SAFB2: variants seen among roughly 807,000 people sequenced by gnomAD.
SAFB2 encodes scaffold attachment factor B2.
Under a neutral mutation model 100.6 loss-of-function variants are expected in SAFB2, and 32 were observed. That is an observed-to-expected ratio of 0.32 (90% CI 0.24 to 0.43). SAFB2 has a LOEUF of 0.43. Among genes scored for constraint, SAFB2 ranks in the 20% least tolerant of loss-of-function variants. The pLI is 1.00. For missense variants in SAFB2, 1,185 were observed against 1,163.4 expected, an observed-to-expected ratio of 1.02 and a Z score of -0.27; for synonymous variants, 500 against 439.4, an observed-to-expected ratio of 1.14 and a Z score of -1.72.
Position 5,587,730 on chromosome 19 carries a change from C to A in SAFB2, c.2676G>T (p.Gly892=). ...CCACTCCACCGCGGCTTGCCATGTGCCCCGGCCCCGAGGGCCCAGACAGGC... is the reference window on the plus strand; with the variant it reads ...CCACTCCACCGCGGCTTGCCATGTGACCCGGCCCCGAGGGCCCAGACAGGC... The part of the protein sequence containing the change: ...ERGLSGPSGP[G]HMASRGGVAG... Residue 892 remains glycine (G), a synonymous_variant, in exon 20 of 21, where the codon GGG becomes GGT. Transcript: ENST00000252542. The surrounding 1 kb of genome is among the most constrained non-coding windows in gnomAD (Gnocchi z 4.9). 1 of 1,552,366 alleles carries A rather than the reference C, an allele frequency of 6.4e-7. No homozygotes were observed. The highest frequency in any genetic ancestry group is 8.7e-7 in the Non-Finnish European group (1 of 1,147,486).
Position 5,610,645 on chromosome 19 carries a change from C to T in SAFB2, c.1189G>A (p.Glu397Lys). Residue 397 changes from glutamate to lysine, a missense_variant, in exon 8 of 21, where the codon GAA becomes AAA. Physicochemically the swap from Glu to Lys is moderately conservative, Grantham distance 56. This residue lies in a region of SAFB2 where 351 missense variants were observed against 341.2 expected (regional missense o/e 1.03). Transcript: ENST00000252542. ...ACGTTAAATTAAATCATACCTTTTTCATCTTTAATGATTGGCTTTATATCT... is the reference window on the plus strand; with the variant it reads ...ACGTTAAATTAAATCATACCTTTTTTATCTTTAATGATTGGCTTTATATCT... ...EKDIKPIIKD[E>K]KGRVGSGSGR... 1 of 1,570,748 alleles carries T rather than the reference C, an allele frequency of 6.4e-7. No individual in the cohort carries two copies. Among genetic ancestry groups the T allele is most frequent in the East Asian group, 2.2e-5 (1 of 44,498 alleles).
At chr19:5,609,021 CA>C (rs1167656946) in intron 9 of SAFB2, among the ~76,000 whole-genome samples, 6 of 123,286 alleles carry the variant, frequency 4.9e-5, no homozygotes, top group Non-Finnish European at 9.5e-5. Flanking sequence ...CACTGCACTT[CA>C]GCCTGGGCAA....
In SAFB2 at chr19:5,613,471, T is replaced by TA; in HGVS notation, c.599dup (p.Thr201AsnfsTer5). 1 of 1,613,330 alleles carries TA rather than the reference T, an allele frequency of 6.2e-7. No homozygotes were observed. Among genetic ancestry groups the TA allele is most frequent in the Non-Finnish European group, 8.5e-7 (1 of 1,179,528 alleles). On this transcript the variant is annotated frameshift_variant, in exon 5 of 21. Transcript: ENST00000252542. LOFTEE classifies it high-confidence loss of function. ...GAACCAGATGGTAACTTACCGGAGT[T>TA]ACTTTGAAGTTCAACGATGAAGTTT...
Position 5,594,044 on chromosome 19 carries a change from T to C in SAFB2, c.2054A>G (p.Glu685Gly). ...QRLERERMER[E>G]RLERERMRVE... is the part of the protein sequence containing the mutation. ...GCGCATGCGCTCGCGCTCCAGCCGC[T>C]CCCGCTCCATGCGCTCCCGCTCCAG... Residue 685 changes from glutamate (E) to glycine (G), a missense_variant, in exon 15 of 21, where the codon GAG (glutamate) becomes GGG (glycine). Glu to Gly is a moderately conservative substitution (Grantham distance 98). Coordinates refer to ENST00000252542, the MANE Select transcript of SAFB2 (RefSeq NM_014649.3). 2 of 1,582,222 alleles carry C rather than the reference T, an allele frequency of 1.3e-6. No homozygotes were observed. The highest frequency in any genetic ancestry group is 1.7e-6 in the Non-Finnish European group (2 of 1,170,300).
At position 5,593,970 on chromosome 19, in the gene SAFB2, C is replaced by T; in HGVS notation, c.2128G>A (p.Glu710Lys). 3.9e-6 allele frequency: 6 copies of T among 1,551,338 alleles called. No individual in the cohort carries two copies. The highest frequency in any genetic ancestry group is 2.4e-5 in the East Asian group (1 of 41,768). The change falls in exon 15 of 21, where the codon GAG becomes AAG. Residue 710 changes from glutamate (E) to lysine (K), a missense_variant. Physicochemically the swap from Glu to Lys is moderately conservative, Grantham distance 56 (BLOSUM62 1). Coordinates refer to ENST00000252542, the MANE Select transcript of SAFB2 (RefSeq NM_014649.3). ...TGCTCCTGCTGGCGCCGCAGCTCCT[C>T]GCGCTCGCGGTGGATGCGCTCCTGC... ...KEQERIHRER[E>K]ELRRQQEQLR...
At position 5,587,778 on chromosome 19, in the gene SAFB2, A is replaced by G; in HGVS notation, c.2639-11T>C. 2 of 1,553,450 alleles carry G rather than the reference A, an allele frequency of 1.3e-6. No homozygotes were observed. Among genetic ancestry groups the G allele is most frequent in the Non-Finnish European group, 1.7e-6 (2 of 1,148,232 alleles). On this transcript the variant is annotated splice_polypyrimidine_tract_variant and intron_variant, in intron 19 of 20. Coordinates refer to ENST00000252542, the MANE Select transcript of SAFB2 (RefSeq NM_014649.3). The surrounding 1 kb of genome is among the most constrained non-coding windows in gnomAD (Gnocchi z 4.9). ...GGCCCCTCTCGCCACCTAGAAGAGA[A>G]GAAGGGTCTGCAAACACTCCGTTCC...
chr19:5,616,066 G>A, intron 4 of SAFB2, 66 bp downstream of exon 4: 4 of 1,463,092 alleles, frequency 2.7e-6, no homozygotes, highest in Non-Finnish European at 3.8e-6. Flanking sequence ...CCTCACACGA[G>A]CAGCACGCGA....
At chr19:5,594,289 A>C in intron 14 of SAFB2, 111 bp from the exon 15 acceptor site, 96 of 1,280,326 alleles carry the variant, frequency 7.5e-5, no homozygotes, top group Non-Finnish European at 9.2e-5. Flanking sequence ...ATGGATCCAA[A>C]AGCTCACCGG....
intron 12 of SAFB2, among the ~76,000 whole-genome samples, chr19:5,599,106 A>T (rs1305134600): frequency 6.6e-6 from 1 of 152,062 alleles, no homozygotes; most frequent in Non-Finnish European, 1.5e-5. Context: ...AACTAGAGGG[A>T]CCTGTTCCCA....
Position 5,604,618 on chromosome 19 carries a change from G to A in SAFB2, c.1524C>T (p.Val508=), listed in dbSNP as rs772474750. ...TGATCTCCACAGAATGATGTCTGTCGACACTCGATAATTTTTCCTTCTTCA... is the reference window on the plus strand; with the variant it reads ...TGATCTCCACAGAATGATGTCTGTCAACACTCGATAATTTTTCCTTCTTCA... ...CEVKKEKLSS[V]DRHHSVEIKI... is the part of the protein sequence containing the mutation. The change falls in exon 11 of 21, where the codon GTC becomes GTT. Residue 508 remains valine, a synonymous_variant. Coordinates refer to ENST00000252542, the MANE Select transcript of SAFB2 (RefSeq NM_014649.3). The A allele has an allele frequency of 3.1e-5, 50 of 1,613,880 alleles. No homozygotes were observed. The highest frequency in any genetic ancestry group is 4.2e-5 in the Non-Finnish European group (50 of 1,179,934).
rs2052363238 is a variant in SAFB2 at position 5,590,252 on chromosome 19, CA to C, written c.2525+25del. ...TTCCCAGGTTAGGACAGATGCTCCC[CA>C]CCCGGCTGGGGCTCACCCACTAACC... On this transcript the variant is annotated intron_variant, in intron 18 of 20. Transcript: ENST00000252542. 4 of 1,538,412 alleles carry C rather than the reference CA, an allele frequency of 2.6e-6. No homozygotes were observed. The East Asian group carries it at 9.7e-5, about 37-fold the overall frequency.
At chr19:5,612,098 T>C (rs2052920957) in intron 6 of SAFB2, 1 of 318,760 alleles carries the variant, frequency 3.1e-6, no homozygotes, top group African/African-American at 2.2e-5. Context: ...AATAATATGT[T>C]GAAAATTTTC....
Position 5,621,404 on chromosome 19 carries a change from GGA to G in SAFB2, c.187-10_187-9del. On this transcript the variant is annotated splice_polypyrimidine_tract_variant and intron_variant, in intron 1 of 20. Transcript: ENST00000252542. Reference sequence around the variant, plus strand: ...CCCCTCTTCTTTAACCGCCTATTAGGGAGAGATGAGTTTTACAACATCATTAA... The same window carrying G: ...CCCCTCTTCTTTAACCGCCTATTAGGGAGATGAGTTTTACAACATCATTAA... 6.3e-7 allele frequency: 1 copy of G among 1,578,928 alleles called. No homozygotes were observed. Among genetic ancestry groups the G allele is most frequent in the Non-Finnish European group, 8.7e-7 (1 of 1,148,150 alleles).
Position 5,595,425 on chromosome 19 carries a change from CTTTGATT to C in SAFB2, c.1848_1854del (p.Ile617AsnfsTer172). On this transcript the variant is annotated frameshift_variant, in exon 14 of 21. Coordinates refer to ENST00000252542, the MANE Select transcript of SAFB2 (RefSeq NM_014649.3). LOFTEE classifies it high-confidence loss of function. ...CTCTGGCGCTCTCTCTCCCTTTGTT[CTTTGATT>C]TTATCAAACGACAAGATGTCTCTCT... 6.2e-7 allele frequency: 1 copy of C among 1,613,758 alleles called. No homozygotes were observed. Among genetic ancestry groups the C allele is most frequent in the Non-Finnish European group, 8.5e-7 (1 of 1,179,958 alleles).
rs202153229 is a variant in SAFB2, at chr19:5,604,773, G to A, written c.1446+14C>T. ...ACTCCATTTGCGAGTTACCATAGAC[G>A]AGAACTGCCTCACCTTCTCTACGGA... On this transcript the variant is annotated intron_variant, in intron 10 of 20. Coordinates refer to ENST00000252542, the MANE Select transcript of SAFB2 (RefSeq NM_014649.3). 23 of 1,613,916 alleles carry A rather than the reference G, an allele frequency of 1.4e-5. No individual in the cohort carries two copies. Among genetic ancestry groups the A allele is most frequent in the Middle Eastern group, 1.6e-4 (1 of 6,062 alleles).
intron 11 of SAFB2, among the ~76,000 whole-genome samples, chr19:5,604,358 C>T (rs1226083865): frequency 6.6e-6 from 1 of 152,204 alleles, no homozygotes; most frequent in Non-Finnish European, 1.5e-5. Context: ...TGCCACTGCA[C>T]TCCAGCCTAG....
intron 2 of SAFB2, among the ~76,000 whole-genome samples, chr19:5,620,635 C>T (rs1285968098): frequency 6.6e-6 from 1 of 152,176 alleles, no homozygotes; most frequent in Non-Finnish European, 1.5e-5. Context: ...TCTATGCGGA[C>T]AGAACATGGA....
intron 9 of SAFB2, among the ~76,000 whole-genome samples, chr19:5,606,034 AG>A: frequency 6.6e-6 from 1 of 150,922 alleles, no homozygotes; most frequent in African/African-American, 2.5e-5. Flanking sequence ...TAAGGAGCAG[AG>A]GGAACAATCA....
At chr19:5,622,386 C>A in intron 1 of SAFB2, 144 bp downstream of exon 1, 1 of 726,770 alleles carries the variant, frequency 1.4e-6, no homozygotes, top group South Asian at 2.2e-5. Flanking sequence ...CAGCCGGCCC[C>A]CTGGGTGCCC....
Sources: gnomAD v4.1 joint callset for allele counts (sites outside exome capture counted in the v4.1 genomes callset) on GRCh38, gnomAD v4.1.1 for gene constraint, gnomAD v4.1.1 regional missense constraint, Gnocchi (gnomAD v3.1) non-coding constraint, MANE v1.5 for transcripts, NCBI Gene and HGNC (gene_info 2026-07-23, HGNC 2026-07-21) for gene names.